Variants in SGSM1 observed in about 807,000 individuals in gnomAD.
The protein encoded by SGSM1 is RUN and TBC1 domain containing 2.
In SGSM1, 73 loss-of-function variants were observed where a neutral mutation model predicts 133.8. The observed-to-expected ratio is 0.55, with a 90% CI of 0.45 to 0.66. The LOEUF (loss-of-function observed/expected upper bound fraction) is 0.66, where lower values mean the gene tolerates loss of function less well. SGSM1 is among the 30% of genes least tolerant of loss of function. SGSM1 has a pLI of 0.00. For missense variants in SGSM1, 1,213 were observed against 1,448.1 expected (o/e 0.84, Z 2.64); for synonymous variants, 563 against 573.0 (o/e 0.98, Z 0.25).
chr22:24,899,039 A>C (rs1242404374), intron 19 of SGSM1, among the ~76,000 whole-genome samples: 2 of 147,614 alleles, frequency 1.4e-5, no homozygotes, highest in African/African-American at 2.6e-5. Flanking sequence ...AAAAAAAAAA[A>C]AAAAAAAACG....
At chr22:24,830,930 G>GC (rs1929086276) in intron 2 of SGSM1, among the ~76,000 whole-genome samples, 1 of 152,192 alleles carries the variant, frequency 6.6e-6, no homozygotes, top group East Asian at 1.9e-4. Context: ...TGCACTAAAA[G>GC]CCCCTCCTGG....
chr22:24,894,645 C>T (rs540672951), intron 17 of SGSM1, among the ~76,000 whole-genome samples: 28 of 152,262 alleles, frequency 1.8e-4, no homozygotes, highest in African/African-American at 6.5e-4. Flanking sequence ...CCTGGGGTGA[C>T]TCAGCTGTGC....
At chr22:24,923,794 G>A (rs1224460709) in intron 24 of SGSM1, among the ~76,000 whole-genome samples, 1 of 151,992 alleles carries the variant, frequency 6.6e-6, no homozygotes, top group Non-Finnish European at 1.5e-5. Context: ...GACTAGTTTT[G>A]TATTTTTAGT....
chr22:24,867,256 T>C, intron 10 of SGSM1, 96 bp downstream of exon 10: 1 of 1,157,196 alleles, frequency 8.6e-7, no homozygotes, highest in South Asian at 1.3e-5. Context: ...GAGCGAATGA[T>C]ATGGTGGACA....
intron 15 of SGSM1, among the ~76,000 whole-genome samples, chr22:24,885,371 G>A (rs372317301): frequency 2.6e-5 from 4 of 151,070 alleles, no homozygotes; most frequent in Non-Finnish European, 4.4e-5. Flanking sequence ...TTACATAAAC[G>A]GACTCATACC....
intron 15 of SGSM1, among the ~76,000 whole-genome samples, chr22:24,884,709 A>G (rs6004346): frequency 3.3e-5 from 5 of 152,350 alleles, no homozygotes; most frequent in African/African-American, 1.2e-4. Flanking sequence ...AGGGCCCTTC[A>G]GGGCAGCCTT....
chr22:24,903,981 G>GAA (rs200526574), intron 20 of SGSM1, among the ~76,000 whole-genome samples: 5 of 61,818 alleles, frequency 8.1e-5, no homozygotes, highest in African/African-American at 1.6e-4. Flanking sequence ...TCAACAAAAA[G>GAA]AAAAAAAAAA....
At chr22:24,895,942 C>G (rs577936355) in intron 18 of SGSM1, among the ~76,000 whole-genome samples, 1 of 151,884 alleles carries the variant, frequency 6.6e-6, no homozygotes. Context: ...CCAGCTGCTC[C>G]GGAGGCTAAG....
chr22:24,916,540 T>C (rs1260464978), intron 22 of SGSM1, among the ~76,000 whole-genome samples: 1 of 151,854 alleles, frequency 6.6e-6, no homozygotes, highest in African/African-American at 2.4e-5. Flanking sequence ...CTATTAAAAA[T>C]AACAAAAATT....
At chr22:24,896,355 T>C (rs765170939) in intron 18 of SGSM1, among the ~76,000 whole-genome samples, 1 of 152,134 alleles carries the variant, frequency 6.6e-6, no homozygotes, top group Non-Finnish European at 1.5e-5. Context: ...AAGAAGTTTT[T>C]GAAAACACAG....
chr22:24,917,056 T>C (rs1416885226), intron 22 of SGSM1, among the ~76,000 whole-genome samples: 1 of 11,932 alleles, frequency 8.4e-5, no homozygotes. Context: ...TAAAAAATTC[T>C]TTTTTTTTTT....
At chr22:24,821,201 T>C (rs1928450105) in intron 2 of SGSM1, among the ~76,000 whole-genome samples, 1 of 152,176 alleles carries the variant, frequency 6.6e-6, no homozygotes, top group Non-Finnish European at 1.5e-5. Context: ...CATGCCCAGC[T>C]AATTTTTGTA....
intron 2 of SGSM1, among the ~76,000 whole-genome samples, chr22:24,813,367 G>A (rs1927861134): frequency 6.6e-6 from 1 of 152,208 alleles, no homozygotes; most frequent in Non-Finnish European, 1.5e-5. Context: ...GGGACAAGTT[G>A]AGAGGAAGCA....
chr22:24,833,181 C>T (rs939505838), intron 2 of SGSM1, among the ~76,000 whole-genome samples: 3 of 151,398 alleles, frequency 2.0e-5, no homozygotes, highest in Admixed American at 2.0e-4. Context: ...GTGATCTACC[C>T]TCCTCGGCCT....
At chr22:24,812,416 C>T (rs913467771) in intron 2 of SGSM1, among the ~76,000 whole-genome samples, 2 of 152,168 alleles carry the variant, frequency 1.3e-5, no homozygotes, top group South Asian at 4.1e-4. Flanking sequence ...GTGGAGAAGT[C>T]AGGATTCAAA....
At chr22:24,911,573 G>A (rs1000317173) in intron 21 of SGSM1, among the ~76,000 whole-genome samples, 6 of 152,068 alleles carry the variant, frequency 3.9e-5, no homozygotes, top group Non-Finnish European at 8.8e-5. Context: ...AGGTGACCAT[G>A]GCCAACATCA....
chr22:24,855,220 C>T, intron 6 of SGSM1, 65 bp from the exon 7 acceptor site: 1 of 1,565,960 alleles, frequency 6.4e-7, no homozygotes, highest in Non-Finnish European at 8.7e-7. Flanking sequence ...GGGCGGCCAT[C>T]TGCTGGTAGA....
intron 2 of SGSM1, among the ~76,000 whole-genome samples, chr22:24,808,722 C>T (rs1927563179): frequency 6.6e-6 from 1 of 152,264 alleles, no homozygotes; most frequent in East Asian, 1.9e-4. Flanking sequence ...CTTCTTCTCT[C>T]TAGGAGTCAG....
intron 2 of SGSM1, among the ~76,000 whole-genome samples, chr22:24,836,113 C>T (rs1054747037): frequency 6.6e-6 from 1 of 152,116 alleles, no homozygotes; most frequent in Non-Finnish European, 1.5e-5. Flanking sequence ...CCCATTTCTC[C>T]TCTCCCCAGC....
Sources: allele counts gnomAD v4.1 joint callset (sites outside exome capture counted in the v4.1 genomes callset), GRCh38; gene constraint gnomAD v4.1.1; transcripts MANE v1.5; gene names NCBI Gene and HGNC (gene_info 2026-07-23, HGNC 2026-07-21).